The following GOLGA5 variants were observed in gnomAD, a reference collection of about 807,000 sequenced individuals.
The protein encoded by GOLGA5 is golgin A5, also known as golgin subfamily A member 5.
In GOLGA5, 50 loss-of-function variants were observed where a neutral mutation model predicts 93.5. The observed-to-expected ratio is 0.53, with a 90% CI of 0.43 to 0.68. GOLGA5 has a LOEUF of 0.68. Ranked by LOEUF, GOLGA5 falls within the 30% of genes least tolerant of loss-of-function variation. GOLGA5 has a pLI of 0.00. For synonymous variants in GOLGA5, 312 were observed against 304.5 expected (o/e 1.02, Z -0.26); for missense variants, 760 against 856.4 (o/e 0.89, Z 1.40).
intron 10 of GOLGA5, among the ~76,000 whole-genome samples, chr14:92,835,152 G>A (rs965759959): frequency 1.3e-5 from 2 of 152,136 alleles, no homozygotes; most frequent in African/African-American, 4.8e-5. Flanking sequence ...GGATGGAAGC[G>A]AATAGGCAGT....
intron 8 of GOLGA5, among the ~76,000 whole-genome samples, chr14:92,820,744 C>T (rs1885302289): frequency 1.3e-5 from 2 of 152,184 alleles, no homozygotes; most frequent in Admixed American, 6.5e-5. Context: ...TTTTACCAAG[C>T]ACACTGCCTG....
At chr14:92,825,481 A>G (rs1039405329) in intron 9 of GOLGA5, among the ~76,000 whole-genome samples, 1 of 152,214 alleles carries the variant, frequency 6.6e-6, no homozygotes, top group Admixed American at 6.5e-5. Flanking sequence ...AGGAGCAAAA[A>G]CCACCAATTG....
chr14:92,820,133 C>T (rs540502154), intron 8 of GOLGA5, among the ~76,000 whole-genome samples: 1 of 152,182 alleles, frequency 6.6e-6, no homozygotes, highest in East Asian at 1.9e-4. Context: ...TTCACCGGCA[C>T]CGGTCTCTGC....
At chr14:92,807,027 C>T in intron 3 of GOLGA5, 64 bp downstream of exon 3, 3 of 1,140,440 alleles carry the variant, frequency 2.6e-6, no homozygotes, top group Non-Finnish European at 3.9e-6. Context: ...AGGCTGGACG[C>T]AGTGGCTCGT....
intron 9 of GOLGA5, among the ~76,000 whole-genome samples, chr14:92,825,627 G>A (rs760182058): frequency 2.6e-5 from 4 of 152,138 alleles, no homozygotes; most frequent in Admixed American, 6.6e-5. Flanking sequence ...TTGGGAGACC[G>A]AGGCAGGAGG....
chr14:92,839,642 G>A lies in GOLGA5; in HGVS notation c.*196G>A. ...TTAAATGGTAAGAGTTTCTAAAACAGACAATAATTTAACAAGCTCAGCTCT... is the reference window on the plus strand; with the variant it reads ...TTAAATGGTAAGAGTTTCTAAAACAAACAATAATTTAACAAGCTCAGCTCT... On this transcript the variant is annotated 3_prime_UTR_variant, in exon 13 of 13. Transcript: ENST00000163416. 1 of 590,664 alleles carries A rather than the reference G, an allele frequency of 1.7e-6. No individual in the cohort carries two copies. The highest frequency in any genetic ancestry group is 2.8e-5 in the East Asian group (1 of 36,044). 36.6% of individuals were successfully genotyped at this position (590,664 alleles called of 1,614,324 possible). A position where few individuals can be genotyped will look rare whatever the true frequency, so the allele number is the denominator to read the frequency against.
At position 92,794,421 on chromosome 14, in the gene GOLGA5, G is replaced by T. The variant is rs866870089; in HGVS notation, c.-66G>T. The T allele has an allele frequency of 6.6e-6, 1 of 152,342 alleles. No homozygotes were observed. Among genetic ancestry groups the T allele is most frequent in the South Asian group, 2.1e-4 (1 of 4,842 alleles). The allele number at this position is 152,342 out of a possible 1,614,324, so 9.4% of individuals were successfully genotyped here. A position where few individuals can be genotyped will look rare whatever the true frequency, so the allele number is the denominator to read the frequency against. The stretch of plus-strand genomic sequence containing the variant: ...CCGAGGGGGCGCGGCCCAGGACGGC[G>T]GCTAGGCCGTAGTGCAGCCTCTCCG... On this transcript the variant is annotated 5_prime_UTR_variant, in exon 1 of 13. Coordinates refer to ENST00000163416, the MANE Select transcript of GOLGA5 (RefSeq NM_005113.4).
chr14:92,829,724 T>G (rs1222998614), intron 9 of GOLGA5, among the ~76,000 whole-genome samples: 3 of 152,216 alleles, frequency 2.0e-5, no homozygotes, highest in Admixed American at 2.0e-4. Flanking sequence ...TACATTAACT[T>G]AGTTGATGAA....
At chr14:92,813,142 A>G (rs1232143462) in intron 6 of GOLGA5, among the ~76,000 whole-genome samples, 1 of 152,010 alleles carries the variant, frequency 6.6e-6, no homozygotes, top group Non-Finnish European at 1.5e-5. Context: ...TTTTAATGCT[A>G]CTTCCATGAA....
intron 12 of GOLGA5, among the ~76,000 whole-genome samples, chr14:92,837,713 A>G (rs748720093): frequency 1.8e-4 from 27 of 151,910 alleles, no homozygotes; most frequent in Non-Finnish European, 3.8e-4. Context: ...ACAGGCGTGC[A>G]CCACCATGCC....
intron 2 of GOLGA5, among the ~76,000 whole-genome samples, chr14:92,801,875 T>G (rs1884880840): frequency 6.6e-6 from 1 of 152,150 alleles, no homozygotes; most frequent in African/African-American, 2.4e-5. Flanking sequence ...CTTAATTCTG[T>G]TTTATTGGTT....
intron 9 of GOLGA5, 135 bp from the exon 10 acceptor site, chr14:92,832,987 G>A: frequency 3.2e-6 from 2 of 623,512 alleles, no homozygotes; most frequent in Non-Finnish European, 2.8e-6. Context: ...AATCACTTTT[G>A]TAGACATTGA....
intron 2 of GOLGA5, among the ~76,000 whole-genome samples, chr14:92,805,127 C>T (rs1884957600): frequency 6.6e-6 from 1 of 152,146 alleles, no homozygotes; most frequent in African/African-American, 2.4e-5. Flanking sequence ...TATAGATTTC[C>T]TTTGCCCCAG....
intron 4 of GOLGA5, among the ~76,000 whole-genome samples, chr14:92,809,946 G>A (rs775420374): frequency 8.5e-5 from 13 of 152,292 alleles, no homozygotes; most frequent in Non-Finnish European, 1.3e-4. Context: ...CAAAAAGAGC[G>A]AAACTCCATC....
At chr14:92,825,006 T>G (rs1294957079) in intron 9 of GOLGA5, among the ~76,000 whole-genome samples, 3 of 152,224 alleles carry the variant, frequency 2.0e-5, no homozygotes, top group African/African-American at 7.2e-5. Context: ...TAATGATTGA[T>G]CAGTCTTCCA....
At chr14:92,818,114 G>T (rs1402122273) in intron 7 of GOLGA5, among the ~76,000 whole-genome samples, 2 of 151,852 alleles carry the variant, frequency 1.3e-5, no homozygotes, top group Non-Finnish European at 2.9e-5. Context: ...TGTCTTTTTG[G>T]TGAGATTATG....
intron 2 of GOLGA5, among the ~76,000 whole-genome samples, chr14:92,802,627 A>G (rs1029264654): frequency 2.0e-4 from 30 of 151,890 alleles, no homozygotes; most frequent in African/African-American, 7.0e-4. Flanking sequence ...ATAAATGTCT[A>G]GTTTGAGGTT....
At chr14:92,833,787 T>C (rs1885579710) in intron 10 of GOLGA5, among the ~76,000 whole-genome samples, 1 of 152,194 alleles carries the variant, frequency 6.6e-6, no homozygotes, top group Non-Finnish European at 1.5e-5. Context: ...ATGTGTAAGA[T>C]AGTATAAGCA....
intron 9 of GOLGA5, among the ~76,000 whole-genome samples, chr14:92,826,436 C>T (rs888811438): frequency 6.6e-6 from 1 of 152,008 alleles, no homozygotes; most frequent in Non-Finnish European, 1.5e-5. Context: ...TTTTTCACAC[C>T]TGTAATCCCA....
Sources: gnomAD v4.1 joint callset for allele counts (sites outside exome capture counted in the v4.1 genomes callset) on GRCh38, gnomAD v4.1.1 for gene constraint, MANE v1.5 for transcripts, NCBI Gene and HGNC (gene_info 2026-07-23, HGNC 2026-07-21) for gene names.